Variants in NPSR1 observed in about 807,000 individuals in gnomAD.
NPSR1 encodes the protein neuropeptide S receptor.
A neutral mutation model predicts 46.9 loss-of-function variants in NPSR1; 48 were observed. That is an observed-to-expected ratio of 1.02 (90% CI 0.81 to 1.30). The LOEUF is 1.30. Ranked by LOEUF, NPSR1 falls within the 50% of genes most tolerant of loss-of-function variation. NPSR1 has a pLI of 0.00. For missense variants in NPSR1, 450 were observed against 449.5 expected (o/e 1.00, Z -0.01); for synonymous variants, 176 against 168.1 (o/e 1.05, Z -0.36).
intron 8 of NPSR1, among the ~76,000 whole-genome samples, chr7:34,877,470 TGGG>T (rs1791603246): frequency 6.6e-6 from 1 of 152,066 alleles, no homozygotes; most frequent in South Asian, 2.1e-4. Context: ...CTGCACTATT[TGGG>T]GGTCTGGGAA....
At chr7:34,712,591 T>A (rs1371184367) in intron 2 of NPSR1, among the ~76,000 whole-genome samples, 1 of 152,194 alleles carries the variant, frequency 6.6e-6, no homozygotes, top group African/African-American at 2.4e-5. Context: ...GAGGCCAGAC[T>A]ATGGAATCTT....
At chr7:34,712,574 G>C (rs1245126282) in intron 2 of NPSR1, among the ~76,000 whole-genome samples, 1 of 152,172 alleles carries the variant, frequency 6.6e-6, no homozygotes, top group Non-Finnish European at 1.5e-5. Context: ...TATTCTAAGA[G>C]TAGGTGGAGG....
intron 3 of NPSR1, among the ~76,000 whole-genome samples, chr7:34,803,460 C>A (rs748073253): frequency 1.3e-5 from 2 of 151,766 alleles, no homozygotes; most frequent in Admixed American, 1.3e-4. Flanking sequence ...AGTAAACTAT[C>A]GCAAGGACAA....
At chr7:34,757,516 G>T (rs1785925775) in intron 2 of NPSR1, among the ~76,000 whole-genome samples, 1 of 152,162 alleles carries the variant, frequency 6.6e-6, no homozygotes, top group South Asian at 2.1e-4. Context: ...GGAAAGGTGA[G>T]TGCCACCAGA....
intron 2 of NPSR1, among the ~76,000 whole-genome samples, chr7:34,741,707 A>G (rs192582676): frequency 1.3e-4 from 20 of 152,350 alleles, no homozygotes; most frequent in Admixed American, 5.2e-4. Context: ...GTCAAAACAC[A>G]CAACCAAAAC....
At chr7:34,735,219 C>T (rs1784614259) in intron 2 of NPSR1, among the ~76,000 whole-genome samples, 1 of 152,126 alleles carries the variant, frequency 6.6e-6, no homozygotes, top group Non-Finnish European at 1.5e-5. Flanking sequence ...AGAGTCTCTC[C>T]ACTCCCTTGG....
chr7:34,696,565 C>T (rs1325445397), intron 2 of NPSR1, among the ~76,000 whole-genome samples: 2 of 151,882 alleles, frequency 1.3e-5, no homozygotes, highest in Admixed American at 1.3e-4. Flanking sequence ...ACAACTGAAG[C>T]TTACAATACA....
intron 2 of NPSR1, chr7:34,685,749 A>G (rs184868916): frequency 6.0e-5 from 24 of 403,312 alleles, no homozygotes; most frequent in Admixed American, 5.5e-4. Context: ...TTTCTAACAA[A>G]GTATAACAAG....
intron 1 of NPSR1, among the ~76,000 whole-genome samples, chr7:34,668,284 C>T (rs1436816056): frequency 2.6e-5 from 4 of 152,074 alleles, no homozygotes; most frequent in South Asian, 2.1e-4. Flanking sequence ...TCATCTTTCA[C>T]GTATTATTGT....
intron 2 of NPSR1, among the ~76,000 whole-genome samples, chr7:34,776,500 C>T (rs1786964389): frequency 6.6e-6 from 1 of 152,096 alleles, no homozygotes; most frequent in Non-Finnish European, 1.5e-5. Context: ...TCTATTTTGC[C>T]TGATATAAGC....
At chr7:34,763,099 A>T (rs150636973) in intron 2 of NPSR1, among the ~76,000 whole-genome samples, 3 of 152,196 alleles carry the variant, frequency 2.0e-5, no homozygotes, top group African/African-American at 4.8e-5. Context: ...GCAAGCACTG[A>T]GTATCTTGCC....
intron 3 of NPSR1, among the ~76,000 whole-genome samples, chr7:34,782,223 T>C (rs893119636): frequency 5.3e-5 from 8 of 152,114 alleles, no homozygotes; most frequent in African/African-American, 1.9e-4. Context: ...CCCAGAGCCA[T>C]AATCTCTCCA....
chr7:34,709,392 A>C (rs1449833197), intron 2 of NPSR1, among the ~76,000 whole-genome samples: 1 of 152,180 alleles, frequency 6.6e-6, no homozygotes, highest in East Asian at 1.9e-4. Context: ...CTCTTAATTC[A>C]GGTTTCTTTG....
At chr7:34,861,862 A>T (rs1207130587) in intron 8 of NPSR1, among the ~76,000 whole-genome samples, 1 of 151,872 alleles carries the variant, frequency 6.6e-6, no homozygotes, top group East Asian at 1.9e-4. Context: ...GTGAAAGAAG[A>T]CATCAGGAAT....
At chr7:34,845,044 C>G in intron 7 of NPSR1, 62 bp downstream of exon 7, 1 of 1,096,922 alleles carries the variant, frequency 9.1e-7, no homozygotes, top group Non-Finnish European at 1.4e-6. Flanking sequence ...AAGTTTGCTC[C>G]TGGGACCTGG....
chr7:34,740,253 T>C (rs1391149692), intron 2 of NPSR1, among the ~76,000 whole-genome samples: 2 of 151,972 alleles, frequency 1.3e-5, no homozygotes, highest in African/African-American at 4.8e-5. Context: ...ACTCCCACCA[T>C]GCCCCGCCAA....
At chr7:34,686,977 A>AC (rs1792964548) in intron 2 of NPSR1, among the ~76,000 whole-genome samples, 1 of 151,190 alleles carries the variant, frequency 6.6e-6, no homozygotes, top group Non-Finnish European at 1.5e-5. Context: ...AAAAAAAAAA[A>AC]AAAAGAAATG....
chr7:34,674,052 G>A (rs967660880), intron 1 of NPSR1, among the ~76,000 whole-genome samples: 4 of 152,144 alleles, frequency 2.6e-5, no homozygotes, highest in African/African-American at 7.2e-5. Flanking sequence ...GGGCATCATC[G>A]GAAGGAGATG....
chr7:34,824,807 A>C (rs1789743443), intron 4 of NPSR1, among the ~76,000 whole-genome samples: 2 of 152,246 alleles, frequency 1.3e-5, no homozygotes, highest in East Asian at 3.9e-4. Flanking sequence ...AAAGAACAAG[A>C]GCACAGGGGG....
Sources: allele counts gnomAD v4.1 joint callset (sites outside exome capture counted in the v4.1 genomes callset), GRCh38; gene constraint gnomAD v4.1.1; transcripts MANE v1.5; gene names NCBI Gene and HGNC (gene_info 2026-07-23, HGNC 2026-07-21).